Variants in ANKRD6 observed in about 807,000 individuals in gnomAD.
The protein encoded by ANKRD6 is ankyrin repeat domain-containing protein 6.
ANKRD6 carries 56 observed loss-of-function variants against 82.3 expected under a neutral mutation model. That is an observed-to-expected ratio of 0.68 (90% CI 0.55 to 0.85). The LOEUF (loss-of-function observed/expected upper bound fraction) is 0.85, where lower values mean the gene tolerates loss of function less well. Among genes scored for constraint, ANKRD6 ranks in the 40% least tolerant of loss-of-function variants. ANKRD6 has a pLI of 0.00. For missense variants in ANKRD6, 852 were observed against 907.6 expected (o/e 0.94, Z 0.79); for synonymous variants, 347 against 352.1 (o/e 0.99, Z 0.16).
In ANKRD6 at chr6:89,612,344, G is replaced by A. The variant is rs888121359; in HGVS notation, c.490G>A (p.Gly164Arg). Residue 164 changes from glycine to arginine, a missense_variant, in exon 6 of 16, where the codon GGG becomes AGG. Gly to Arg is a moderately radical substitution (Grantham distance 125). Coordinates refer to ENST00000339746, the MANE Select transcript of ANKRD6 (RefSeq NM_001242809.2). Reference sequence around the variant, plus strand: ...GAGCACGCGCGTCCTCCTGCTGGCCGGGTCCCGCGCTGACCTCAAAAATAA... The same window carrying A: ...GAGCACGCGCGTCCTCCTGCTGGCCAGGTCCCGCGCTGACCTCAAAAATAA... Reference protein sequence around the residue: ...SQSTRVLLLAGSRADLKNNAG... With the variant: ...SQSTRVLLLARSRADLKNNAG... 47 of 1,562,286 alleles carry A rather than the reference G, an allele frequency of 3.0e-5. No individual in the cohort carries two copies. Among genetic ancestry groups the A allele is most frequent in the Non-Finnish European group, 3.6e-5 (42 of 1,152,632 alleles).
chr6:89,504,727 G>A (rs575925896), intron 1 of ANKRD6, among the ~76,000 whole-genome samples: 61 of 152,290 alleles, frequency 4.0e-4, no homozygotes, highest in African/African-American at 1.4e-3. Context: ...TGAAGTAAAG[G>A]AAACAAATTG....
intron 1 of ANKRD6, among the ~76,000 whole-genome samples, chr6:89,535,188 G>GT (rs1391659723): frequency 1.3e-5 from 2 of 152,212 alleles, no homozygotes; most frequent in East Asian, 1.9e-4. Context: ...TTAACTTAAT[G>GT]TAAGTGCATC....
chr6:89,449,383 T>A (rs854862), intron 1 of ANKRD6, among the ~76,000 whole-genome samples: 56,830 of 151,868 alleles, frequency 0.37, 11,640 homozygotes, highest in South Asian at 0.47. Context: ...GGCTGAGGAG[T>A]TGCTTTTTAT....
At chr6:89,545,660 A>G (rs1784999746) in intron 1 of ANKRD6, among the ~76,000 whole-genome samples, 1 of 152,222 alleles carries the variant, frequency 6.6e-6, no homozygotes, top group Non-Finnish European at 1.5e-5. Context: ...TCAAACCCCA[A>G]AAGATGAACT....
At chr6:89,510,094 G>C (rs1780351260) in intron 1 of ANKRD6, among the ~76,000 whole-genome samples, 1 of 152,278 alleles carries the variant, frequency 6.6e-6, no homozygotes, top group Non-Finnish European at 1.5e-5. Context: ...ACCAGTGTGT[G>C]ACCCTCCAGA....
At chr6:89,625,737 C>A (rs1380626169) in intron 13 of ANKRD6, among the ~76,000 whole-genome samples, 2 of 140,172 alleles carry the variant, frequency 1.4e-5, no homozygotes, top group African/African-American at 2.7e-5. Flanking sequence ...TTTGTTACAA[C>A]TTTTTTTTTT....
rs1173892803 is a variant in ANKRD6, at chr6:89,595,792, C to G, written c.121-124C>G. ...AACCCATAAGAATCTCCTGCCAATC[C>G]AAAGGGGCAGGAGGGAGTGATCATC... is the stretch of plus-strand genomic sequence containing the variant. On this transcript the variant is annotated intron_variant, in intron 2 of 15. Coordinates refer to ENST00000339746, the MANE Select transcript of ANKRD6 (RefSeq NM_001242809.2). The G allele has an allele frequency of 7.1e-6, 5 of 700,516 alleles. No individual in the cohort carries two copies. The African/African-American group carries it at 8.9e-5, about 12-fold the overall frequency. 43.4% of individuals were successfully genotyped at this position (700,516 alleles called of 1,614,324 possible). A position where few individuals can be genotyped will look rare whatever the true frequency, so the allele number is the denominator to read the frequency against.
intron 1 of ANKRD6, among the ~76,000 whole-genome samples, chr6:89,544,486 G>A (rs969104875): frequency 9.2e-5 from 14 of 152,096 alleles, no homozygotes; most frequent in African/African-American, 3.1e-4. Flanking sequence ...AGGCCAAGGC[G>A]GGCAGATCAC....
intron 7 of ANKRD6, among the ~76,000 whole-genome samples, chr6:89,614,940 T>G (rs1280513118): frequency 6.6e-6 from 1 of 152,122 alleles, no homozygotes; most frequent in Non-Finnish European, 1.5e-5. Flanking sequence ...TTACTTACAC[T>G]TGAGCTGATA....
intron 1 of ANKRD6, among the ~76,000 whole-genome samples, chr6:89,508,072 T>G (rs1267661971): frequency 6.6e-6 from 1 of 152,238 alleles, no homozygotes; most frequent in Non-Finnish European, 1.5e-5. Context: ...GCTTGCTTTA[T>G]CACCTAGATA....
At chr6:89,449,029 C>CAAAAA (rs368751340) in intron 1 of ANKRD6, among the ~76,000 whole-genome samples, 5 of 52,392 alleles carry the variant, frequency 9.5e-5, no homozygotes, top group Non-Finnish European at 8.5e-5. Flanking sequence ...GACTCCGTCT[C>CAAAAA]AAAAAAAAAA....
At chr6:89,625,737 C>CTTTTT (rs370616881) in intron 13 of ANKRD6, among the ~76,000 whole-genome samples, 2 of 140,172 alleles carry the variant, frequency 1.4e-5, no homozygotes, top group East Asian at 4.2e-4. Flanking sequence ...TTTGTTACAA[C>CTTTTT]TTTTTTTTTT....
At chr6:89,496,140 A>G (rs926120828) in intron 1 of ANKRD6, among the ~76,000 whole-genome samples, 1 of 151,512 alleles carries the variant, frequency 6.6e-6, no homozygotes, top group African/African-American at 2.4e-5. Flanking sequence ...TCTCAGGAAC[A>G]CTGACAATGG....
chr6:89,616,532 T>C (rs181083561), intron 7 of ANKRD6, 27 bp from the exon 8 acceptor site: 45 of 1,610,146 alleles, frequency 2.8e-5, no homozygotes, highest in Admixed American at 5.0e-5. Context: ...GCAGATGAGG[T>C]TTAGCAGACC....
At chr6:89,535,142 TTAAAAATGGAATG>T (rs1476416759) in intron 1 of ANKRD6, among the ~76,000 whole-genome samples, 1 of 152,220 alleles carries the variant, frequency 6.6e-6, no homozygotes, top group Non-Finnish European at 1.5e-5. Context: ...ATCAAGTTCA[TTAAAAATGGAATG>T]TATATTTAAA....
At chr6:89,495,817 C>T (rs1403350587) in intron 1 of ANKRD6, among the ~76,000 whole-genome samples, 1 of 152,066 alleles carries the variant, frequency 6.6e-6, no homozygotes, top group East Asian at 1.9e-4. Context: ...GTCTAGGACA[C>T]TTTTTGTTTA....
chr6:89,438,928 C>G (rs765992391), intron 1 of ANKRD6, among the ~76,000 whole-genome samples: 5 of 152,142 alleles, frequency 3.3e-5, no homozygotes, highest in Admixed American at 1.3e-4. Context: ...CAGGTGTGAG[C>G]CACTGCACCT....
At position 89,508,149 on chromosome 6, in the gene ANKRD6, A is replaced by G. The variant is rs576289381; in HGVS notation, c.-143-58685A>G. Among the ~76,000 whole-genome samples the G allele has an allele frequency of 4.6e-5, 7 of 152,360 alleles. No individual in the cohort carries two copies. In the East Asian group the frequency reaches 1.3e-3, roughly 29 times the overall value. ...CAAACTTAGTACTTTATTTAAAACA[A>G]TAAACATTTAGTATTCCGTACTGTT... On this transcript the variant is annotated intron_variant, in intron 1 of 15. Transcript: ENST00000339746.
intron 1 of ANKRD6, among the ~76,000 whole-genome samples, chr6:89,514,344 C>G (rs1330176715): frequency 6.6e-6 from 1 of 152,008 alleles, no homozygotes; most frequent in African/African-American, 2.4e-5. Flanking sequence ...TGCCACTGCA[C>G]TCCAGTTTGG....
Sources: allele counts gnomAD v4.1 joint callset (sites outside exome capture counted in the v4.1 genomes callset), GRCh38; gene constraint gnomAD v4.1.1; transcripts MANE v1.5; gene names NCBI Gene and HGNC (gene_info 2026-07-23, HGNC 2026-07-21).